SMIM13: variants seen among roughly 807,000 people sequenced by gnomAD.
SMIM13 encodes the protein small integral membrane protein 13.
In SMIM13, 3 loss-of-function variants were observed where a neutral mutation model predicts 5.9. The observed-to-expected ratio is 0.51, with a 90% CI of 0.23 to 1.31. SMIM13 has a LOEUF of 1.31. Ranked by LOEUF, SMIM13 falls within the 40% of genes most tolerant of loss-of-function variation. SMIM13 has a pLI of 0.18. For synonymous variants in SMIM13, 55 were observed against 46.0 expected, an observed-to-expected ratio of 1.19 and a Z score of -0.79; for missense variants, 85 against 109.9, an observed-to-expected ratio of 0.77 and a Z score of 1.01.
At chr6:11,097,473 T>C (rs898578700) in intron 1 of SMIM13, among the ~76,000 whole-genome samples, 1 of 150,768 alleles carries the variant, frequency 6.6e-6, no homozygotes, top group Non-Finnish European at 1.5e-5. Context: ...CTGGCCAACA[T>C]GGCGAATCCC....
At chr6:11,114,231 C>T (rs368454954) in intron 1 of SMIM13, among the ~76,000 whole-genome samples, 51 of 152,152 alleles carry the variant, frequency 3.4e-4, no homozygotes, top group East Asian at 2.1e-3. Flanking sequence ...CTACCTGCCT[C>T]GCCCTCCCAA....
At chr6:11,129,078 C>CA (rs1554119919) in intron 1 of SMIM13, among the ~76,000 whole-genome samples, 1 of 148,938 alleles carries the variant, frequency 6.7e-6, no homozygotes, top group East Asian at 2.0e-4. Context: ...CTACCGGGAG[C>CA]GGGGGGGGGA....
intron 1 of SMIM13, among the ~76,000 whole-genome samples, chr6:11,095,812 A>G (rs1305269467): frequency 6.6e-6 from 1 of 152,178 alleles, no homozygotes; most frequent in Non-Finnish European, 1.5e-5. Flanking sequence ...TATTGAACTA[A>G]TTGTAGATGT....
chr6:11,123,983 A>G (rs543537298), intron 1 of SMIM13, among the ~76,000 whole-genome samples: 116 of 152,362 alleles, frequency 7.6e-4, no homozygotes, highest in African/African-American at 2.7e-3. Flanking sequence ...CACTACCTCA[A>G]GCATTTATCC....
intron 1 of SMIM13, among the ~76,000 whole-genome samples, chr6:11,112,156 C>T (rs1758176424): frequency 6.6e-6 from 1 of 152,158 alleles, no homozygotes. Flanking sequence ...GGTCGCCTGA[C>T]ATTCCTGAGC....
At position 11,134,709 on chromosome 6, in the gene SMIM13, C is replaced by G. The variant is rs774924215; in HGVS notation, c.*107C>G. 13 of 884,902 alleles carry G rather than the reference C, an allele frequency of 1.5e-5. No homozygotes were observed. In the South Asian group the frequency reaches 4.1e-4, roughly 28 times the overall value. 54.8% of individuals were successfully genotyped at this position (884,902 alleles called of 1,614,324 possible). On this transcript the variant is annotated 3_prime_UTR_variant, in exon 2 of 2. Coordinates refer to ENST00000416247, the MANE Select transcript of SMIM13 (RefSeq NM_001135575.2). ...AGAACATTTGTATTGGATTTTAAGT[C>G]GAATTTTAAAAAAGATTTACATGTA...
rs1340566579 is a variant in SMIM13 at position 11,094,283 on chromosome 6, G to T, written c.-31G>T. 1 of 1,388,180 alleles carries T rather than the reference G, an allele frequency of 7.2e-7. No homozygotes were observed. The highest frequency in any genetic ancestry group is 9.5e-7 in the Non-Finnish European group (1 of 1,057,644). 86.0% of individuals were successfully genotyped at this position (1,388,180 alleles called of 1,614,324 possible). A position where few individuals can be genotyped will look rare whatever the true frequency, so the allele number is the denominator to read the frequency against. On this transcript the variant is annotated 5_prime_UTR_variant, in exon 1 of 2. Coordinates refer to ENST00000416247, the MANE Select transcript of SMIM13 (RefSeq NM_001135575.2). ...GCGCTCACCGCCGTCCGCGCCAGCC[G>T]CCCCGAGCCGACTGCCCTTCTGCCC...
intron 1 of SMIM13, among the ~76,000 whole-genome samples, chr6:11,126,021 T>A (rs1758372350): frequency 6.6e-6 from 1 of 152,176 alleles, no homozygotes; most frequent in Non-Finnish European, 1.5e-5. Context: ...CTTTTTTCTT[T>A]TGTCTCCTCT....
chr6:11,128,181 G>C (rs906057889), intron 1 of SMIM13, among the ~76,000 whole-genome samples: 8 of 152,258 alleles, frequency 5.3e-5, no homozygotes, highest in African/African-American at 1.9e-4. Flanking sequence ...AGTAAGTACT[G>C]TTTGGCTACC....
intron 1 of SMIM13, chr6:11,104,192 T>C (rs1376331986): frequency 9.0e-6 from 14 of 1,551,628 alleles, no homozygotes; most frequent in Non-Finnish European, 1.2e-5. Flanking sequence ...CTTTTGTGAT[T>C]CCAGCAATTC....
At chr6:11,129,671 T>C (rs986231933) in intron 1 of SMIM13, among the ~76,000 whole-genome samples, 1 of 152,184 alleles carries the variant, frequency 6.6e-6, no homozygotes, top group Non-Finnish European at 1.5e-5. Context: ...CCCTATTGTG[T>C]TCCGTTTGTC....
intron 1 of SMIM13, among the ~76,000 whole-genome samples, chr6:11,106,312 T>A (rs72825122): frequency 0.02 from 3,071 of 152,338 alleles, 47 homozygotes; most frequent in South Asian, 0.049. Flanking sequence ...CTGAGTGAAG[T>A]CCATCTGCCA....
chr6:11,135,937 T>G lies in SMIM13; in HGVS notation c.*1335T>G, dbSNP rs577747335. ...GGTAGCTTGTAAATTTATTTTTCTT[T>G]TTAAGATAGCAGTTATTTATTGGGG... is the stretch of plus-strand genomic sequence containing the variant. On this transcript the variant is annotated 3_prime_UTR_variant, in exon 2 of 2. Coordinates refer to ENST00000416247, the MANE Select transcript of SMIM13 (RefSeq NM_001135575.2). The G allele has an allele frequency of 2.0e-5, 3 of 152,338 alleles. No individual in the cohort carries two copies. Among genetic ancestry groups the G allele is most frequent in the African/African-American group, 4.8e-5 (2 of 41,574 alleles). 9.4% of individuals were successfully genotyped at this position (152,338 alleles called of 1,614,324 possible). A position where few individuals can be genotyped will look rare whatever the true frequency, so the allele number is the denominator to read the frequency against.
In SMIM13 at chr6:11,099,632, T is replaced by C. The variant is rs1273864797; in HGVS notation, c.76+5243T>C. 2.0e-5 allele frequency among the ~76,000 whole-genome samples: 3 copies of C among 152,194 alleles called. No homozygotes were observed. In the East Asian group the frequency reaches 5.8e-4, roughly 29 times the overall value. On this transcript the variant is annotated intron_variant, in intron 1 of 1. Transcript: ENST00000416247. ...AATAAACATTTGTTCAACAAATGAA[T>C]AGATGAATGCTGCAGAATACCCAAG...
chr6:11,134,578 T>TG lies in SMIM13; in HGVS notation c.253dup (p.Glu85GlyfsTer13). On this transcript the variant is annotated frameshift_variant, in exon 2 of 2. Coordinates refer to ENST00000416247, the MANE Select transcript of SMIM13 (RefSeq NM_001135575.2). LOFTEE classifies it high-confidence loss of function. The stretch of plus-strand genomic sequence containing the variant: ...CTCGCCAAAGGAGGGCACCTGCTGA[T>TG]GAAGGCCACAGACCCCTGACATAGT... The TG allele has an allele frequency of 6.5e-7, 1 of 1,548,678 alleles. No individual in the cohort carries two copies. Among genetic ancestry groups the TG allele is most frequent in the Non-Finnish European group, 8.7e-7 (1 of 1,145,466 alleles).
At chr6:11,099,494 C>G (rs1365460427) in intron 1 of SMIM13, among the ~76,000 whole-genome samples, 1 of 152,134 alleles carries the variant, frequency 6.6e-6, no homozygotes, top group African/African-American at 2.4e-5. Context: ...TTTTACTTGT[C>G]CATCATCTGT....
rs1758535643 is a variant in SMIM13 at position 11,137,883 on chromosome 6, TC to T, written c.*3282del. 1.3e-5 allele frequency: 2 copies of T among 152,182 alleles called. No individual in the cohort carries two copies. The highest frequency in any genetic ancestry group is 2.9e-5 in the Non-Finnish European group (2 of 68,022). The allele number at this position is 152,182 out of a possible 1,614,324, so 9.4% of individuals were successfully genotyped here. On this transcript the variant is annotated 3_prime_UTR_variant, in exon 2 of 2. Coordinates refer to ENST00000416247, the MANE Select transcript of SMIM13 (RefSeq NM_001135575.2). ...TATTGCTGTGCGGTGGACAGCCACT[TC>T]ACAGACATGCAGACCCATTTCTTTA...
At chr6:11,097,998 A>G (rs1163802519) in intron 1 of SMIM13, among the ~76,000 whole-genome samples, 1 of 152,094 alleles carries the variant, frequency 6.6e-6, no homozygotes, top group African/African-American at 2.4e-5. Flanking sequence ...CCTTGAATAC[A>G]AACATGGAGT....
At chr6:11,105,748 G>T (rs1466986265) in intron 1 of SMIM13, 1 of 165,510 alleles carries the variant, frequency 6.0e-6, no homozygotes, top group Non-Finnish European at 1.4e-5. Context: ...GGGTATAGAG[G>T]TGGGGATTTT....
Sources: allele counts gnomAD v4.1 joint callset (sites outside exome capture counted in the v4.1 genomes callset), GRCh38; gene constraint gnomAD v4.1.1; transcripts MANE v1.5; gene names NCBI Gene and HGNC (gene_info 2026-07-23, HGNC 2026-07-21).